Variants in SGO2 observed in about 807,000 individuals in gnomAD.
SGO2 encodes the protein shugoshin-like 2.
In SGO2, 68 loss-of-function variants were observed where a neutral mutation model predicts 99.5. The ratio of observed to expected loss-of-function variants is 0.68; its 90% CI spans 0.56 to 0.84. The LOEUF is 0.84. Ranked by LOEUF, SGO2 falls within the 40% of genes least tolerant of loss-of-function variation. The pLI, the probability that SGO2 is intolerant of heterozygous loss-of-function variation, is 0.00. For missense variants in SGO2, 1,350 were observed against 1,436.7 expected (o/e 0.94, Z 0.97); for synonymous variants, 457 against 487.1 (o/e 0.94, Z 0.81).
chr2:200,566,612 G>A (rs1319869215), intron 5 of SGO2, among the ~76,000 whole-genome samples: 5 of 152,172 alleles, frequency 3.3e-5, no homozygotes, highest in South Asian at 4.1e-4. Context: ...AGACAGGGAC[G>A]TTTAAGTCTG....
At chr2:200,580,452 C>T in intron 8 of SGO2, 1 of 427,278 alleles carries the variant, frequency 2.3e-6, no homozygotes, top group Non-Finnish European at 4.7e-6. Flanking sequence ...TTTATTATTT[C>T]CTTCTTTGTG....
chr2:200,547,183 A>G (rs2032260238), intron 5 of SGO2, among the ~76,000 whole-genome samples: 1 of 152,220 alleles, frequency 6.6e-6, no homozygotes, highest in African/African-American at 2.4e-5. Context: ...AGACTTCTCC[A>G]CAGAAACCAT....
rs749420798 is a variant in SGO2 at position 200,556,653 on chromosome 2, G to T, written c.474-13010G>T. On this transcript the variant is annotated intron_variant, in intron 5 of 8. Coordinates refer to ENST00000357799, the MANE Select transcript of SGO2 (RefSeq NM_152524.6). ...CTAAGCTGGGTATTGAACCCAAGCT[G>T]CCATAGTGAAAAGACAAAGCCTTCG... Among the ~76,000 whole-genome samples, 80 of 152,314 alleles carry T rather than the reference G, an allele frequency of 5.3e-4. No homozygotes were observed. The Middle Eastern group carries it at 0.014, about 26-fold the overall frequency.
At chr2:200,529,579 AT>A (rs2031270002) in intron 1 of SGO2, among the ~76,000 whole-genome samples, 2 of 152,158 alleles carry the variant, frequency 1.3e-5, no homozygotes, top group African/African-American at 4.8e-5. Context: ...CTGGAGTGCC[AT>A]GGTTTGATCT....
chr2:200,558,411 T>C (rs1240709079), intron 5 of SGO2, among the ~76,000 whole-genome samples: 1 of 152,106 alleles, frequency 6.6e-6, no homozygotes, highest in Non-Finnish European at 1.5e-5. Context: ...CTTTTTTCTA[T>C]TAATGTTATG....
At chr2:200,576,384 T>C (rs2033664314) in intron 8 of SGO2, among the ~76,000 whole-genome samples, 1 of 152,098 alleles carries the variant, frequency 6.6e-6, no homozygotes, top group African/African-American at 2.4e-5. Context: ...AAGACCAGCC[T>C]GGCCAACATG....
In SGO2 at chr2:200,572,582, T is replaced by A. The variant is rs2033477587; in HGVS notation, c.2236T>A (p.Leu746Ile). The A allele has an allele frequency of 6.2e-7, 1 of 1,612,982 alleles. No homozygotes were observed. Among genetic ancestry groups the A allele is most frequent in the African/African-American group, 1.3e-5 (1 of 74,986 alleles). ...EYTVKSHSLF[L>I]TQKDKEIIPG... ...CACAGTTAAAAGTCACTCACTCTTT[T>A]TAACGCAAAAAGATAAGGAAATCAT... The change falls in exon 7 of 9, where the codon TTA becomes ATA. Residue 746 changes from leucine (L) to isoleucine (I), a missense_variant. Transcript: ENST00000357799.
chr2:200,569,542 T>TG (rs958350044), intron 5 of SGO2, 121 bp from the exon 6 acceptor site: 1 of 724,412 alleles, frequency 1.4e-6, no homozygotes, highest in African/African-American at 1.8e-5. Context: ...TCATTGAACT[T>TG]GAAAAAGTAC....
In SGO2 at chr2:200,569,859, C is replaced by A; in HGVS notation, c.670C>A (p.His224Asn). The change falls in exon 6 of 9, where the codon CAT becomes AAT. Residue 224 changes from histidine (H) to asparagine (N), a missense_variant. His to Asn is a moderately conservative substitution (Grantham distance 68). Transcript: ENST00000357799. The stretch of plus-strand genomic sequence containing the variant: ...TGTATATGGTTTAGATGATTCAGAA[C>A]ATATTTCTTCTATAGTTGATGTACC... ...QNVYGLDDSE[H>N]ISSIVDVPPR... 1 of 1,596,520 alleles carries A rather than the reference C, an allele frequency of 6.3e-7. No homozygotes were observed. The highest frequency in any genetic ancestry group is 8.6e-7 in the Non-Finnish European group (1 of 1,164,738).
rs781418788 is a variant in SGO2, at chr2:200,571,042, C to T, written c.704-8C>T. 2 of 1,529,186 alleles carry T rather than the reference C, an allele frequency of 1.3e-6. No individual in the cohort carries two copies. The highest frequency in any genetic ancestry group is 1.4e-5 in the African/African-American group (1 of 71,428). The allele number at this position is 1,529,186 out of a possible 1,614,324, so 94.7% of individuals were successfully genotyped here. On this transcript the variant is annotated splice_polypyrimidine_tract_variant and splice_region_variant and intron_variant, in intron 6 of 8. Transcript: ENST00000357799. ...TGTTTCTGAGTTTTGTTTTCCTTTT[C>T]TTAATAGAAAGCCATTCCCACTCAG...
At chr2:200,540,621 C>T (rs763186029) in intron 4 of SGO2, among the ~76,000 whole-genome samples, 3 of 152,208 alleles carry the variant, frequency 2.0e-5, no homozygotes, top group African/African-American at 7.2e-5. Context: ...CTTTATTAAA[C>T]CACTTCTATC....
chr2:200,529,424 T>C (rs544231569), intron 1 of SGO2, among the ~76,000 whole-genome samples: 2 of 152,342 alleles, frequency 1.3e-5, no homozygotes, highest in East Asian at 3.9e-4. Flanking sequence ...TAAATTCTAG[T>C]TGGGGAAGAC....
At chr2:200,545,657 A>G (rs576422798) in intron 5 of SGO2, among the ~76,000 whole-genome samples, 29 of 152,308 alleles carry the variant, frequency 1.9e-4, no homozygotes, top group Non-Finnish European at 3.8e-4. Flanking sequence ...CTCTGAGCAG[A>G]TGGTAGGAGA....
intron 5 of SGO2, among the ~76,000 whole-genome samples, chr2:200,558,805 CTTT>C (rs1176594661): frequency 2.3e-5 from 3 of 128,526 alleles, no homozygotes; most frequent in Non-Finnish European, 1.7e-5. Context: ...GGTAACATCT[CTTT>C]TTTTTTTTTT....
At chr2:200,565,936 A>G (rs974697412) in intron 5 of SGO2, among the ~76,000 whole-genome samples, 3 of 152,256 alleles carry the variant, frequency 2.0e-5, no homozygotes, top group South Asian at 2.1e-4. Context: ...GGTCTTCTCT[A>G]TGCTGTTTAT....
In SGO2 at chr2:200,535,800, C is replaced by CTT. The variant is rs372806663; in HGVS notation, c.310-265_310-264insTT. On this transcript the variant is annotated intron_variant, in intron 3 of 8. Coordinates refer to ENST00000357799, the MANE Select transcript of SGO2 (RefSeq NM_152524.6). ...AGATAGAAAAATGTTTATAGGAAAA[C>CTT]AAAATTGTTCTAAAGTATTCAACAT... 1.5e-3 allele frequency among the ~76,000 whole-genome samples: 232 copies of CTT among 151,984 alleles called. 1 individual carries two copies. Among genetic ancestry groups the CTT allele is most frequent in the African/African-American group, 5.3e-3 (218 of 41,498 alleles).
intron 5 of SGO2, among the ~76,000 whole-genome samples, chr2:200,546,516 C>T (rs1012192824): frequency 6.6e-6 from 1 of 151,878 alleles, no homozygotes; most frequent in Non-Finnish European, 1.5e-5. Flanking sequence ...ATGAGCTTCC[C>T]AAAAGGACAA....
At chr2:200,528,230 A>G (rs1351655309) in intron 1 of SGO2, among the ~76,000 whole-genome samples, 1 of 152,206 alleles carries the variant, frequency 6.6e-6, no homozygotes, top group Non-Finnish European at 1.5e-5. Flanking sequence ...AGTAACATGA[A>G]TTTACTTAAG....
chr2:200,579,419 A>ATGCT (rs947216394), intron 8 of SGO2, among the ~76,000 whole-genome samples: 6 of 152,216 alleles, frequency 3.9e-5, no homozygotes, highest in African/African-American at 1.4e-4. Flanking sequence ...AATAGTAGGC[A>ATGCT]TGCTTGCCTT....
Sources: allele counts gnomAD v4.1 joint callset (sites outside exome capture counted in the v4.1 genomes callset), GRCh38; gene constraint gnomAD v4.1.1; transcripts MANE v1.5; gene names NCBI Gene and HGNC (gene_info 2026-07-23, HGNC 2026-07-21).